Variants in HOXA3 observed in about 807,000 individuals in gnomAD.
HOXA3 encodes homeobox protein Hox-A3.
HOXA3 carries 8 observed loss-of-function variants against 30.3 expected under a neutral mutation model. The observed-to-expected ratio is 0.26, with a 90% confidence interval of 0.15 to 0.48. The LOEUF (loss-of-function observed/expected upper bound fraction) is 0.48. HOXA3 is among the 20% of genes least tolerant of loss of function. The pLI is 0.99. For missense variants in HOXA3, 653 were observed against 614.4 expected (o/e 1.06, Z -0.66); for synonymous variants, 323 against 273.1 (o/e 1.18, Z -1.80).
intron 4 of HOXA3, among the ~76,000 whole-genome samples, chr7:27,120,082 C>G (rs1784930167): frequency 6.6e-6 from 1 of 152,006 alleles, no homozygotes; most frequent in Non-Finnish European, 1.5e-5. Flanking sequence ...GCCTCATACC[C>G]CTCACCAATC....
Position 27,107,848 on chromosome 7 carries a change from A to T in HOXA3, c.*67T>A. Reference sequence around the variant, plus strand: ...GGAAGAACCTAAAAAAAAAAAAAAAAAAAAGCAACCAAAGAAAAAAGGTGG... The same window carrying T: ...GGAAGAACCTAAAAAAAAAAAAAAATAAAAGCAACCAAAGAAAAAAGGTGG... On this transcript the variant is annotated 3_prime_UTR_variant, in exon 6 of 6. Transcript: ENST00000612286. The T allele has an allele frequency of 8.9e-7, 1 of 1,128,566 alleles. No individual in the cohort carries two copies. Among genetic ancestry groups the T allele is most frequent in the Non-Finnish European group, 1.2e-6 (1 of 824,346 alleles). 69.9% of individuals were successfully genotyped at this position (1,128,566 alleles called of 1,614,324 possible). A position where few individuals can be genotyped will look rare whatever the true frequency, so the allele number is the denominator to read the frequency against.
At chr7:27,114,280 C>A (rs1401811023) in intron 4 of HOXA3, among the ~76,000 whole-genome samples, 1 of 152,118 alleles carries the variant, frequency 6.6e-6, no homozygotes, top group African/African-American at 2.4e-5. Context: ...CACAAAGGGG[C>A]TCTCTTGCTG....
chr7:27,152,245 C>T (rs1033489366), intron 1 of HOXA3, 43 bp downstream of exon 1: 9 of 1,229,304 alleles, frequency 7.3e-6, no homozygotes, highest in South Asian at 5.2e-5. Context: ...CGCCGGCTGT[C>T]GCCTCACCAC....
intron 1 of HOXA3, chr7:27,142,886 G>A: frequency 1.5e-6 from 1 of 653,998 alleles, no homozygotes; most frequent in South Asian, 2.2e-5. Flanking sequence ...CAAAGAAGAG[G>A]AGGAAGGAGG....
intron 1 of HOXA3, 103 bp from the exon 2 acceptor site, chr7:27,140,289 G>C (rs1211351421): frequency 6.6e-6 from 1 of 152,086 alleles, no homozygotes; most frequent in Non-Finnish European, 1.5e-5. Flanking sequence ...TACTTTAATG[G>C]CCCCACGTGA....
chr7:27,120,153 C>T (rs1281648695), intron 4 of HOXA3, among the ~76,000 whole-genome samples: 1 of 152,124 alleles, frequency 6.6e-6, no homozygotes, highest in Non-Finnish European at 1.5e-5. Flanking sequence ...TGGCAAATTC[C>T]TCCCTACCCC....
At chr7:27,145,530 C>T in intron 1 of HOXA3, 3 of 1,119,024 alleles carry the variant, frequency 2.7e-6, no homozygotes, top group Non-Finnish European at 3.8e-6. Flanking sequence ...TTGCAAAGCT[C>T]CGGGCTCCCC....
intron 4 of HOXA3, chr7:27,122,006 G>C (rs913480993): frequency 2.7e-4 from 42 of 152,884 alleles, no homozygotes; most frequent in African/African-American, 1.0e-3. Context: ...AAGAAGACCC[G>C]CTGTCTGCGA....
chr7:27,152,202 G>T (rs190365165), intron 1 of HOXA3, 86 bp downstream of exon 1: 3 of 773,798 alleles, frequency 3.9e-6, no homozygotes, highest in Non-Finnish European at 3.6e-6. Flanking sequence ...CCCTCTTAAA[G>T]CCTCCCTGGG....
At chr7:27,129,860 G>A (rs1320530853) in intron 2 of HOXA3, 1 of 605,372 alleles carries the variant, frequency 1.7e-6, no homozygotes, top group Non-Finnish European at 2.9e-6. Context: ...TTAAATTTAT[G>A]GGGGCTATAA....
chr7:27,130,594 G>A, intron 2 of HOXA3: 1 of 1,526,934 alleles, frequency 6.5e-7, no homozygotes, highest in Non-Finnish European at 8.8e-7. Context: ...GGTCGGGGGC[G>A]CTGGGGGCTG....
intron 2 of HOXA3, among the ~76,000 whole-genome samples, chr7:27,139,218 AG>A (rs1392845708): frequency 2.0e-5 from 3 of 152,202 alleles, no homozygotes; most frequent in Admixed American, 2.0e-4. Flanking sequence ...CCGGCCATAA[AG>A]TTTATTGCTT....
At chr7:27,112,060 C>T (rs557778758) in intron 4 of HOXA3, among the ~76,000 whole-genome samples, 1 of 152,304 alleles carries the variant, frequency 6.6e-6, no homozygotes, top group East Asian at 1.9e-4. Flanking sequence ...ACCTCCTCAA[C>T]CCTCTTTCAT....
chr7:27,122,958 G>A (rs1185924248), intron 3 of HOXA3: 1 of 152,238 alleles, frequency 6.6e-6, no homozygotes. Context: ...AACAGAGGAA[G>A]CTGAGAAGGT....
intron 4 of HOXA3, among the ~76,000 whole-genome samples, chr7:27,114,191 C>T (rs1303379524): frequency 1.3e-5 from 2 of 151,830 alleles, no homozygotes; most frequent in East Asian, 3.9e-4. Flanking sequence ...CCTCCCCCCA[C>T]CCCCCAACGC....
At chr7:27,139,126 G>T (rs561009014) in intron 2 of HOXA3, among the ~76,000 whole-genome samples, 1 of 152,290 alleles carries the variant, frequency 6.6e-6, no homozygotes, top group African/African-American at 2.4e-5. Flanking sequence ...AAGAAGAGAG[G>T]GAGAAGAAAG....
At chr7:27,119,072 C>G (rs948992084) in intron 4 of HOXA3, among the ~76,000 whole-genome samples, 3 of 150,950 alleles carry the variant, frequency 2.0e-5, no homozygotes, top group African/African-American at 4.9e-5. Flanking sequence ...CAGTGCACAA[C>G]TGAGTGATAC....
intron 4 of HOXA3, among the ~76,000 whole-genome samples, chr7:27,121,632 T>C (rs909245870): frequency 1.3e-5 from 2 of 152,222 alleles, no homozygotes; most frequent in Non-Finnish European, 2.9e-5. Flanking sequence ...ACCTGATATC[T>C]ATTTGGGAGC....
chr7:27,123,973 C>A (rs985398779), intron 3 of HOXA3: 1 of 152,294 alleles, frequency 6.6e-6, no homozygotes, highest in Non-Finnish European at 1.5e-5. Context: ...GCAAGGTGGA[C>A]TCAGCCATCC....
Sources: allele counts gnomAD v4.1 joint callset (sites outside exome capture counted in the v4.1 genomes callset), GRCh38; gene constraint gnomAD v4.1.1; transcripts MANE v1.5; gene names NCBI Gene and HGNC (gene_info 2026-07-23, HGNC 2026-07-21).